Variants in ZNF385D observed in about 807,000 individuals in gnomAD.
ZNF385D encodes the protein zinc finger protein 385D.
Under a neutral mutation model 35.8 loss-of-function variants are expected in ZNF385D, and 15 were observed. That is an observed-to-expected ratio of 0.42 (90% CI 0.28 to 0.64). The LOEUF (loss-of-function observed/expected upper bound fraction) is 0.64. Among genes scored for constraint, ZNF385D ranks in the 30% least tolerant of loss-of-function variants. ZNF385D has a pLI of 0.23. For missense variants in ZNF385D, 474 were observed against 494.6 expected, an observed-to-expected ratio of 0.96 and a Z score of 0.39; for synonymous variants, 212 against 186.8, an observed-to-expected ratio of 1.13 and a Z score of -1.10.
chr3:22,261,155 A>G lies in ZNF385D; in HGVS notation c.107-92120T>C, dbSNP rs114532676. 7.3e-3 allele frequency among the ~76,000 whole-genome samples: 1,111 copies of G among 151,884 alleles called. 14 individuals carry two copies. Among genetic ancestry groups the G allele is most frequent in the African/African-American group, 0.024 (987 of 41,470 alleles). On this transcript the variant is annotated intron_variant, in intron 2 of 5. Transcript: ENST00000494108. Reference sequence around the variant, plus strand: ...CACCGACCTACCTTTCTACTCATCTACTTATAGCCTCTCAAATTTGTTGTT... The same window carrying G: ...CACCGACCTACCTTTCTACTCATCTGCTTATAGCCTCTCAAATTTGTTGTT...
intron 3 of ZNF385D, among the ~76,000 whole-genome samples, chr3:21,928,132 G>A (rs951369070): frequency 3.3e-5 from 5 of 152,010 alleles, no homozygotes; most frequent in Admixed American, 6.6e-5. Flanking sequence ...GCTAAGATGA[G>A]GCCAGGTGTT....
In ZNF385D at chr3:21,412,748, T is replaced by G. The variant is rs1236940409; in HGVS notation, c.*8466A>C. 6.6e-6 allele frequency: 1 copy of G among 152,082 alleles called. No homozygotes were observed. The highest frequency in any genetic ancestry group is 1.9e-4 in the East Asian group (1 of 5,194). The allele number at this position is 152,082 out of a possible 1,614,324, so 9.4% of individuals were successfully genotyped here. On this transcript the variant is annotated 3_prime_UTR_variant, in exon 8 of 8. Coordinates refer to ENST00000281523, the MANE Select transcript of ZNF385D (RefSeq NM_024697.3). The stretch of plus-strand genomic sequence containing the variant: ...CTTTTACTAAAACTGAAAATTCATC[T>G]TAAAGAATTCCTAATAAAAATAAAT...
At chr3:21,497,874 A>G (rs1706032877) in intron 4 of ZNF385D, among the ~76,000 whole-genome samples, 1 of 151,906 alleles carries the variant, frequency 6.6e-6, no homozygotes, top group African/African-American at 2.4e-5. Context: ...AATAAAAATA[A>G]TAAAACTCTT....
chr3:21,918,631 T>A (rs762705707), intron 3 of ZNF385D, among the ~76,000 whole-genome samples: 7 of 152,172 alleles, frequency 4.6e-5, no homozygotes, highest in Non-Finnish European at 7.4e-5. Context: ...GCAGAGGGTA[T>A]TACATGGTCT....
intron 2 of ZNF385D, among the ~76,000 whole-genome samples, chr3:22,181,768 A>G (rs1368579611): frequency 1.3e-5 from 2 of 152,116 alleles, no homozygotes; most frequent in Non-Finnish European, 1.5e-5. Flanking sequence ...TATGTTACAA[A>G]AAGATAGTAA....
At chr3:21,798,008 G>A (rs2072230047) in intron 3 of ZNF385D, among the ~76,000 whole-genome samples, 1 of 152,168 alleles carries the variant, frequency 6.6e-6, no homozygotes, top group East Asian at 1.9e-4. Flanking sequence ...GAACCCTAGT[G>A]CTGTAGTGTA....
At chr3:21,446,893 C>A (rs1702186502) in intron 4 of ZNF385D, among the ~76,000 whole-genome samples, 1 of 152,058 alleles carries the variant, frequency 6.6e-6, no homozygotes, top group Non-Finnish European at 1.5e-5. Flanking sequence ...TAGTGGGAAC[C>A]TAAATAACCT....
intron 2 of ZNF385D, among the ~76,000 whole-genome samples, chr3:22,238,952 C>T (rs558586721): frequency 2.2e-4 from 33 of 150,012 alleles, no homozygotes; most frequent in Non-Finnish European, 4.4e-4. Flanking sequence ...ATCACAAACT[C>T]GTAGGCTCAA....
At chr3:21,645,405 A>G (rs1170910099) in intron 2 of ZNF385D, among the ~76,000 whole-genome samples, 1 of 152,180 alleles carries the variant, frequency 6.6e-6, no homozygotes, top group African/African-American at 2.4e-5. Context: ...ATTTGCAGAC[A>G]CTAGTTTAAG....
chr3:21,755,835 C>G (rs1167940964), upstream of ZNF385D, among the ~76,000 whole-genome samples: 2 of 152,062 alleles, frequency 1.3e-5, no homozygotes, highest in African/African-American at 4.8e-5. Context: ...AGGCATTACT[C>G]CAGGTGCTGG....
chr3:21,794,481 C>T (rs1176625663), intron 3 of ZNF385D, among the ~76,000 whole-genome samples: 1 of 152,040 alleles, frequency 6.6e-6, no homozygotes, highest in Non-Finnish European at 1.5e-5. Context: ...GTAGCTTATA[C>T]ACAACAGGAA....
At chr3:22,012,446 T>C (rs1403729468) in intron 3 of ZNF385D, among the ~76,000 whole-genome samples, 2 of 152,114 alleles carry the variant, frequency 1.3e-5, no homozygotes, top group Admixed American at 6.5e-5. Flanking sequence ...GCTCAAAACA[T>C]TTCTCTCTCC....
At chr3:22,218,512 C>G in intron 2 of ZNF385D, among the ~76,000 whole-genome samples, 1 of 151,964 alleles carries the variant, frequency 6.6e-6, no homozygotes, top group East Asian at 1.9e-4. Flanking sequence ...CATACACACA[C>G]AACTGTATCT....
chr3:22,067,518 G>A (rs111735439), intron 3 of ZNF385D, among the ~76,000 whole-genome samples: 2 of 152,114 alleles, frequency 1.3e-5, no homozygotes, highest in Non-Finnish European at 2.9e-5. Context: ...CATCTTTTAA[G>A]CTATGACAAA....
At chr3:21,599,269 T>C (rs952922135) in intron 2 of ZNF385D, among the ~76,000 whole-genome samples, 8 of 152,194 alleles carry the variant, frequency 5.3e-5, no homozygotes, top group Non-Finnish European at 1.2e-4. Context: ...GAAAGATCTT[T>C]TGAGGGATAA....
At chr3:21,529,103 C>T (rs2125527291) in intron 3 of ZNF385D, among the ~76,000 whole-genome samples, 1 of 152,054 alleles carries the variant, frequency 6.6e-6, no homozygotes, top group South Asian at 2.1e-4. Flanking sequence ...TCACTTTTTC[C>T]ATATTTTTTT....
At chr3:21,432,027 T>C (rs946074652) in intron 5 of ZNF385D, among the ~76,000 whole-genome samples, 2 of 152,162 alleles carry the variant, frequency 1.3e-5, no homozygotes, top group African/African-American at 4.8e-5. Flanking sequence ...TCAATACAGA[T>C]TGATGAACAA....
chr3:21,825,686 A>G (rs936338494), intron 3 of ZNF385D, among the ~76,000 whole-genome samples: 2 of 152,176 alleles, frequency 1.3e-5, no homozygotes, highest in African/African-American at 2.4e-5. Context: ...GCTGTGGAAA[A>G]GGAGAATGAA....
At chr3:21,873,930 G>C (rs1697827370) in intron 3 of ZNF385D, among the ~76,000 whole-genome samples, 1 of 151,370 alleles carries the variant, frequency 6.6e-6, no homozygotes, top group Admixed American at 6.6e-5. Context: ...TGTGAATAAT[G>C]CTATTATAAA....
Sources: allele counts gnomAD v4.1 joint callset (sites outside exome capture counted in the v4.1 genomes callset), GRCh38; gene constraint gnomAD v4.1.1; transcripts MANE v1.5; gene names NCBI Gene and HGNC (gene_info 2026-07-23, HGNC 2026-07-21).